The following CNTLN variants were observed in gnomAD, a reference collection of about 807,000 sequenced individuals.
The protein encoded by CNTLN is centlein, centrosomal protein.
A neutral mutation model predicts 180.0 loss-of-function variants in CNTLN; 212 were observed. The observed-to-expected ratio is 1.18, with a 90% CI of 1.05 to 1.32. The LOEUF (loss-of-function observed/expected upper bound fraction) is 1.32, where lower values mean the gene tolerates loss of function less well. CNTLN is among the 40% of genes most tolerant of loss of function. The pLI is 0.00. For missense variants in CNTLN, 2,095 were observed against 1,610.9 expected (o/e 1.30, Z -5.14); for synonymous variants, 722 against 563.1 (o/e 1.28, Z -3.99).
intron 2 of CNTLN, among the ~76,000 whole-genome samples, chr9:17,220,558 G>A (rs986667123): frequency 2.0e-5 from 3 of 152,086 alleles, no homozygotes; most frequent in Admixed American, 2.0e-4. Flanking sequence ...GTACCCATTA[G>A]TTATTTTTCC....
chr9:17,413,302 TAAA>T (rs1447139685), intron 16 of CNTLN, among the ~76,000 whole-genome samples: 2 of 152,158 alleles, frequency 1.3e-5, no homozygotes, highest in African/African-American at 4.8e-5. Context: ...TATTAAATCA[TAAA>T]ACTTTCAGAA....
At position 17,299,740 on chromosome 9, in the gene CNTLN, TTTA is replaced by T. The variant is rs1054958593; in HGVS notation, c.1146+1392_1146+1394del. On this transcript the variant is annotated intron_variant, in intron 7 of 25. Transcript: ENST00000380647. ...GCTAAAATGATTTGAAACACTGTAC[TTTA>T]TTAATACTTGTTAATTGTTATTAAT... 6.5e-5 allele frequency: 64 copies of T among 982,896 alleles called. 1 individual carries two copies. In the African/African-American group the frequency reaches 1.1e-3, roughly 16 times the overall value. 60.9% of individuals were successfully genotyped at this position (982,896 alleles called of 1,614,324 possible).
intron 2 of CNTLN, chr9:17,167,526 G>A (rs1056338616): frequency 6.6e-6 from 1 of 152,192 alleles, no homozygotes; most frequent in Non-Finnish European, 1.5e-5. Flanking sequence ...AGGCCTGATA[G>A]AACCTAAAAG....
intron 9 of CNTLN, among the ~76,000 whole-genome samples, chr9:17,331,276 C>T (rs895181027): frequency 6.7e-4 from 101 of 151,644 alleles, no homozygotes; most frequent in Middle Eastern, 4.2e-3. Flanking sequence ...AACTTCTGCA[C>T]TTGTTATATA....
intron 2 of CNTLN, among the ~76,000 whole-genome samples, chr9:17,203,680 C>T (rs1329286258): frequency 2.0e-5 from 3 of 152,160 alleles, no homozygotes; most frequent in African/African-American, 7.2e-5. Flanking sequence ...CCTCAGCCTC[C>T]TGAGTAGCCG....
intron 8 of CNTLN, among the ~76,000 whole-genome samples, chr9:17,314,639 C>T (rs1819424092): frequency 6.6e-6 from 1 of 152,196 alleles, no homozygotes; most frequent in South Asian, 2.1e-4. Context: ...GAATTTTAGT[C>T]TCCTAACGTT....
chr9:17,306,692 T>C (rs1234365331), intron 7 of CNTLN, among the ~76,000 whole-genome samples: 1 of 152,184 alleles, frequency 6.6e-6, no homozygotes, highest in Non-Finnish European at 1.5e-5. Flanking sequence ...GTATGTAGTT[T>C]TCTTTGTCAG....
intron 2 of CNTLN, among the ~76,000 whole-genome samples, chr9:17,198,584 A>G (rs1822297859): frequency 7.1e-6 from 1 of 140,822 alleles, no homozygotes; most frequent in African/African-American, 2.7e-5. Flanking sequence ...TAGAAATGCT[A>G]CGGAATTTTG....
At chr9:17,254,611 A>G (rs997611579) in intron 5 of CNTLN, among the ~76,000 whole-genome samples, 2 of 151,616 alleles carry the variant, frequency 1.3e-5, no homozygotes, top group African/African-American at 4.8e-5. Context: ...ATTTGAGCAC[A>G]TATAGAAATG....
intron 13 of CNTLN, among the ~76,000 whole-genome samples, chr9:17,374,888 T>C (rs1236798092): frequency 6.7e-6 from 1 of 150,284 alleles, no homozygotes; most frequent in Non-Finnish European, 1.5e-5. Context: ...GAAGTAGAGC[T>C]GTGATATGAT....
At chr9:17,322,758 G>A (rs959929968) in intron 8 of CNTLN, among the ~76,000 whole-genome samples, 54 of 151,936 alleles carry the variant, frequency 3.6e-4, no homozygotes, top group Admixed American at 1.3e-4. Flanking sequence ...TTCTCATGGA[G>A]TAAAGAGTAT....
At chr9:17,235,820 G>T in intron 4 of CNTLN, 28 bp downstream of exon 4, 1 of 1,567,146 alleles carries the variant, frequency 6.4e-7, no homozygotes, top group South Asian at 1.2e-5. Context: ...TAGTTTTGTG[G>T]GACTGTTGCT....
intron 2 of CNTLN, among the ~76,000 whole-genome samples, chr9:17,210,162 C>T (rs1823191764): frequency 6.6e-6 from 1 of 152,102 alleles, no homozygotes; most frequent in East Asian, 1.9e-4. Flanking sequence ...GTGCTGCACC[C>T]ATTAACTCGT....
chr9:17,193,295 A>G (rs533744226), intron 2 of CNTLN, among the ~76,000 whole-genome samples: 45 of 152,288 alleles, frequency 3.0e-4, no homozygotes, highest in Middle Eastern at 3.4e-3. Flanking sequence ...CATTAACCCA[A>G]AAGTCCACAG....
At chr9:17,516,905 G>T in the CNTLN span, among the ~76,000 whole-genome samples, 1 of 152,118 alleles carries the variant, frequency 6.6e-6, no homozygotes, top group Non-Finnish European at 1.5e-5. Context: ...CTGACACATA[G>T]TAAGGATCAA....
chr9:17,147,203 T>A (rs558458075), intron 2 of CNTLN, among the ~76,000 whole-genome samples: 2 of 152,208 alleles, frequency 1.3e-5, no homozygotes, highest in Non-Finnish European at 2.9e-5. Flanking sequence ...ATAGACTTCA[T>A]TGTAGTGAAT....
chr9:17,429,466 T>C (rs1283761119), intron 18 of CNTLN, among the ~76,000 whole-genome samples: 1 of 152,092 alleles, frequency 6.6e-6, no homozygotes, highest in East Asian at 1.9e-4. Flanking sequence ...CACTGGAATA[T>C]ATAAATAAAG....
At chr9:17,349,630 G>A (rs778796537) in intron 12 of CNTLN, among the ~76,000 whole-genome samples, 27 of 152,138 alleles carry the variant, frequency 1.8e-4, no homozygotes, top group South Asian at 6.2e-4. Flanking sequence ...TGCTGCTATC[G>A]CATAGGAATC....
intron 2 of CNTLN, among the ~76,000 whole-genome samples, chr9:17,201,673 G>A (rs149265256): frequency 0.011 from 1,628 of 152,222 alleles, 33 homozygotes; most frequent in African/African-American, 0.037. Flanking sequence ...TGTGGGATCA[G>A]TGGTGATATC....
Sources: allele counts gnomAD v4.1 joint callset (sites outside exome capture counted in the v4.1 genomes callset), GRCh38; gene constraint gnomAD v4.1.1; transcripts MANE v1.5; gene names NCBI Gene and HGNC (gene_info 2026-07-23, HGNC 2026-07-21).